ARHGEF10L: variants seen among roughly 807,000 people sequenced by gnomAD.
ARHGEF10L encodes the protein rho guanine nucleotide exchange factor 10-like protein.
In ARHGEF10L, 69 loss-of-function variants were observed where a neutral mutation model predicts 141.2. That is an observed-to-expected ratio of 0.49 (90% CI 0.40 to 0.60). The LOEUF (loss-of-function observed/expected upper bound fraction) is 0.60. Ranked by LOEUF, ARHGEF10L falls within the 20% of genes least tolerant of loss-of-function variation. ARHGEF10L has a pLI of 0.00. For missense variants in ARHGEF10L, 1,482 were observed against 1,734.3 expected (o/e 0.85, Z 2.58); for synonymous variants, 711 against 718.5 (o/e 0.99, Z 0.17).
chr1:17,547,471 C>G (rs1177787763), intron 1 of ARHGEF10L, among the ~76,000 whole-genome samples: 1 of 152,202 alleles, frequency 6.6e-6, no homozygotes, highest in African/African-American at 2.4e-5. Context: ...GGTATGCATC[C>G]CAGAATCCCG....
At chr1:17,545,256 G>C (rs1377076378) in intron 1 of ARHGEF10L, among the ~76,000 whole-genome samples, 1 of 152,154 alleles carries the variant, frequency 6.6e-6, no homozygotes, top group African/African-American at 2.4e-5. Context: ...CTTTTCCCCT[G>C]AAGAGCCTGT....
chr1:17,664,717 A>G, intron 26 of ARHGEF10L, 122 bp downstream of exon 26: 2 of 1,287,228 alleles, frequency 1.6e-6, no homozygotes, highest in Non-Finnish European at 2.0e-6. Flanking sequence ...GATTGGGCAG[A>G]GTTTGTCCGG....
intron 1 of ARHGEF10L, among the ~76,000 whole-genome samples, chr1:17,544,577 G>T (rs2996648): frequency 0.078 from 11,862 of 152,232 alleles, 521 homozygotes; most frequent in African/African-American, 0.1. Flanking sequence ...TTACAGGCGT[G>T]AGCCACCATG....
chr1:17,669,785 G>C (rs1241812428), intron 26 of ARHGEF10L, among the ~76,000 whole-genome samples: 2 of 152,238 alleles, frequency 1.3e-5, no homozygotes, highest in Admixed American at 6.5e-5. Context: ...CAGGCTCTCT[G>C]TATGAGGTGC....
chr1:17,618,255 C>CCAA, intron 9 of ARHGEF10L: 2 of 1,359,612 alleles, frequency 1.5e-6, no homozygotes, highest in African/African-American at 1.5e-5. Flanking sequence ...TCTCCTCAGC[C>CCAA]CTCCCCACCC....
the ARHGEF10L span, among the ~76,000 whole-genome samples, chr1:17,514,055 C>G: frequency 2.7e-4 from 41 of 150,076 alleles, no homozygotes; most frequent in Non-Finnish European, 4.7e-4. Context: ...AACTCCTGAC[C>G]TCAGGTGATC....
At chr1:17,637,744 T>G (rs1571153401) in intron 18 of ARHGEF10L, 144 bp from the exon 19 acceptor site, 1 of 611,080 alleles carries the variant, frequency 1.6e-6, no homozygotes, top group East Asian at 3.1e-5. Flanking sequence ...GACCTCGTGA[T>G]CTGCCTGCCT....
chr1:17,536,329 A>C (rs1260670431), upstream of ARHGEF10L, among the ~76,000 whole-genome samples: 1 of 152,076 alleles, frequency 6.6e-6, no homozygotes, highest in African/African-American at 2.4e-5. Flanking sequence ...AAAAATACAA[A>C]AATTGGCGGG....
chr1:17,579,789 A>G (rs1297103990), intron 1 of ARHGEF10L, among the ~76,000 whole-genome samples: 4 of 152,156 alleles, frequency 2.6e-5, no homozygotes, highest in Non-Finnish European at 5.9e-5. Flanking sequence ...CCAGTGCACA[A>G]TTGAAGGTGA....
chr1:17,572,141 C>T (rs1481617599), intron 1 of ARHGEF10L, among the ~76,000 whole-genome samples: 3 of 152,208 alleles, frequency 2.0e-5, no homozygotes, highest in Non-Finnish European at 4.4e-5. Context: ...TCTCCCTGAC[C>T]CAGCCCGAAT....
intron 26 of ARHGEF10L, among the ~76,000 whole-genome samples, chr1:17,668,869 A>T (rs984960612): frequency 1.1e-4 from 16 of 152,246 alleles, no homozygotes; most frequent in African/African-American, 3.6e-4. Context: ...GGCGCTGGAG[A>T]TCTGGAAATG....
intron 1 of ARHGEF10L, among the ~76,000 whole-genome samples, chr1:17,552,636 C>A (rs576017336): frequency 8.1e-6 from 1 of 123,970 alleles, no homozygotes; most frequent in Non-Finnish European, 1.6e-5. Context: ...ATCAGCCAGG[C>A]TGGTCTCAAA....
Position 17,558,997 on chromosome 1 carries a change from C to T in ARHGEF10L, c.-44+19047C>T, listed in dbSNP as rs1362987985. ...ATGACTCCTTTCCACCAGTGAATTT[C>T]CTGCAACCCACAGGGCCCGGCCTCA... On this transcript the variant is annotated intron_variant, in intron 1 of 28. Coordinates refer to ENST00000361221, the MANE Select transcript of ARHGEF10L (RefSeq NM_018125.4). This position sits in a 1 kb window ranked among gnomAD's most constrained non-coding sequence, Gnocchi z 4.2. Among the ~76,000 whole-genome samples, 1 of 152,208 alleles carries T rather than the reference C, an allele frequency of 6.6e-6. No individual in the cohort carries two copies. The highest frequency in any genetic ancestry group is 1.9e-4 in the East Asian group (1 of 5,184).
chr1:17,577,621 G>A (rs893196805), intron 1 of ARHGEF10L, among the ~76,000 whole-genome samples: 1 of 152,172 alleles, frequency 6.6e-6, no homozygotes, highest in African/African-American at 2.4e-5. Context: ...GCTGGGCTGC[G>A]TCCTCGTCCC....
At chr1:17,668,742 C>T (rs1390200847) in intron 26 of ARHGEF10L, among the ~76,000 whole-genome samples, 2 of 152,210 alleles carry the variant, frequency 1.3e-5, no homozygotes, top group Non-Finnish European at 2.9e-5. Flanking sequence ...CTGCGCGGTG[C>T]GGGCAGCTTG....
chr1:17,562,561 C>G (rs557220610), intron 1 of ARHGEF10L, among the ~76,000 whole-genome samples: 2 of 152,338 alleles, frequency 1.3e-5, no homozygotes, highest in South Asian at 4.1e-4. Flanking sequence ...AGTGAGCATT[C>G]ATTTATTCCT....
At chr1:17,601,049 C>CAAAAAAAAAAAAAA (rs55806926) in intron 4 of ARHGEF10L, among the ~76,000 whole-genome samples, 7 of 51,104 alleles carry the variant, frequency 1.4e-4, no homozygotes, top group Non-Finnish European at 2.1e-4. Flanking sequence ...GGCTCTGTCT[C>CAAAAAAAAAAAAAA]AAAAAAAAAA....
At chr1:17,685,780 A>T (rs2064521147) in intron 26 of ARHGEF10L, among the ~76,000 whole-genome samples, 1 of 152,120 alleles carries the variant, frequency 6.6e-6, no homozygotes, top group African/African-American at 2.4e-5. Flanking sequence ...GGTACCTGTA[A>T]TCCTCATAGC....
intron 25 of ARHGEF10L, among the ~76,000 whole-genome samples, chr1:17,659,334 G>T (rs2062464235): frequency 6.6e-6 from 1 of 152,184 alleles, no homozygotes; most frequent in Admixed American, 6.5e-5. Context: ...TTTCAGAGGT[G>T]GCCCAAGCAG....
Sources: allele counts gnomAD v4.1 joint callset (sites outside exome capture counted in the v4.1 genomes callset), GRCh38; gene constraint gnomAD v4.1.1; non-coding constraint Gnocchi (gnomAD v3.1); transcripts MANE v1.5; gene names NCBI Gene and HGNC (gene_info 2026-07-23, HGNC 2026-07-21).